Variants in NKAIN2 observed in about 807,000 individuals in gnomAD.
NKAIN2 encodes sodium/potassium transporting ATPase interacting 2.
A neutral mutation model predicts 32.6 loss-of-function variants in NKAIN2; 14 were observed. That is an observed-to-expected ratio of 0.43 (90% CI 0.28 to 0.67). NKAIN2 has a LOEUF of 0.67. Among genes scored for constraint, NKAIN2 ranks in the 30% least tolerant of loss-of-function variants. The pLI is 0.17. For missense variants in NKAIN2, 198 were observed against 258.3 expected (o/e 0.77, Z 1.60); for synonymous variants, 80 against 87.2 (o/e 0.92, Z 0.46).
At chr6:124,550,369 G>A (rs1379194091) in intron 3 of NKAIN2, among the ~76,000 whole-genome samples, 2 of 151,484 alleles carry the variant, frequency 1.3e-5, no homozygotes, top group Non-Finnish European at 2.9e-5. Flanking sequence ...TCTTCTTTTT[G>A]TTTTCTATTC....
chr6:124,118,686 T>C (rs2114984565), intron 1 of NKAIN2, among the ~76,000 whole-genome samples: 1 of 152,268 alleles, frequency 6.6e-6, no homozygotes, highest in South Asian at 2.1e-4. Context: ...AAAACAGTGA[T>C]CATCTGAAAA....
At chr6:123,901,623 C>T (rs1774592340) in intron 1 of NKAIN2, among the ~76,000 whole-genome samples, 1 of 152,152 alleles carries the variant, frequency 6.6e-6, no homozygotes, top group South Asian at 2.1e-4. Flanking sequence ...TTCCGGCTCC[C>T]TCTGCATATC....
At chr6:124,434,056 T>C (rs567358902) in intron 3 of NKAIN2, among the ~76,000 whole-genome samples, 2 of 152,250 alleles carry the variant, frequency 1.3e-5, no homozygotes, top group African/African-American at 4.8e-5. Flanking sequence ...GCAGTGAGCG[T>C]ATAGCCTTCC....
intron 3 of NKAIN2, among the ~76,000 whole-genome samples, chr6:124,545,748 G>C (rs907221578): frequency 6.6e-6 from 1 of 151,940 alleles, no homozygotes; most frequent in Admixed American, 6.6e-5. Flanking sequence ...CACCGATATA[G>C]TTGTTTATGT....
intron 1 of NKAIN2, among the ~76,000 whole-genome samples, chr6:124,082,753 G>A (rs1280627412): frequency 2.0e-5 from 3 of 151,840 alleles, no homozygotes; most frequent in African/African-American, 7.3e-5. Context: ...TAGATTTTCT[G>A]TATGATATTT....
chr6:124,584,613 A>G (rs1293800577), intron 3 of NKAIN2, among the ~76,000 whole-genome samples: 1 of 148,032 alleles, frequency 6.8e-6, no homozygotes, highest in East Asian at 2.1e-4. Context: ...AGATCGTGTC[A>G]TTGCACTCCA....
Position 124,256,197 on chromosome 6 carries a change from A to C in NKAIN2, c.55-26808A>C, listed in dbSNP as rs564347784. ...CTGAAGGTAGGGAAATGTTGTCACA[A>C]CAAAAATCCAAAAGGTCATCACCCA... On this transcript the variant is annotated intron_variant, in intron 1 of 6. Coordinates refer to ENST00000368417, the MANE Select transcript of NKAIN2 (RefSeq NM_001040214.3). 1.1e-4 allele frequency among the ~76,000 whole-genome samples: 17 copies of C among 152,332 alleles called. 1 individual carries two copies. Among genetic ancestry groups the C allele is most frequent in the South Asian group, 1.0e-3 (5 of 4,826 alleles).
At chr6:123,948,511 A>G (rs1219990829) in intron 1 of NKAIN2, among the ~76,000 whole-genome samples, 3 of 148,274 alleles carry the variant, frequency 2.0e-5, no homozygotes, top group African/African-American at 7.4e-5. Flanking sequence ...TTCCCTGATG[A>G]TTAGTGATGT....
chr6:124,365,728 A>T (rs953359931), intron 3 of NKAIN2, among the ~76,000 whole-genome samples: 6 of 152,030 alleles, frequency 3.9e-5, no homozygotes, highest in African/African-American at 1.2e-4. Context: ...AGGGTTTTCA[A>T]AGGCATATAG....
At chr6:123,921,555 G>C (rs940886508) in intron 1 of NKAIN2, among the ~76,000 whole-genome samples, 1 of 152,122 alleles carries the variant, frequency 6.6e-6, no homozygotes, top group Non-Finnish European at 1.5e-5. Flanking sequence ...TAGTCCTGAA[G>C]TTGTTTTAGC....
In NKAIN2 at chr6:124,374,690, T is replaced by G. The variant is rs112752008; in HGVS notation, c.273+19343T>G. Reference sequence around the variant, plus strand: ...AATGCAACTTCAGAGTGTCCTGTCCTACACATAATTAGAAATTAGGACAAA... The same window carrying G: ...AATGCAACTTCAGAGTGTCCTGTCCGACACATAATTAGAAATTAGGACAAA... On this transcript the variant is annotated intron_variant, in intron 3 of 6. Coordinates refer to ENST00000368417, the MANE Select transcript of NKAIN2 (RefSeq NM_001040214.3). 7.2e-3 allele frequency among the ~76,000 whole-genome samples: 1,104 copies of G among 152,288 alleles called. 16 individuals carry two copies. The highest frequency in any genetic ancestry group is 0.026 in the African/African-American group (1,060 of 41,562).
At chr6:124,765,878 G>A (rs893733380) in intron 4 of NKAIN2, among the ~76,000 whole-genome samples, 3 of 152,162 alleles carry the variant, frequency 2.0e-5, no homozygotes, top group African/African-American at 7.2e-5. Flanking sequence ...CTGAGAGGAG[G>A]TTCTTAAATT....
At chr6:124,154,044 TACA>T (rs1787862387) in intron 1 of NKAIN2, among the ~76,000 whole-genome samples, 1 of 151,776 alleles carries the variant, frequency 6.6e-6, no homozygotes, top group African/African-American at 2.4e-5. Flanking sequence ...ATAATTTTTC[TACA>T]ACAACTGAAA....
chr6:124,237,038 TA>T (rs1413939404), intron 1 of NKAIN2, among the ~76,000 whole-genome samples: 1 of 152,162 alleles, frequency 6.6e-6, no homozygotes, highest in Non-Finnish European at 1.5e-5. Context: ...AGATTCTGGA[TA>T]ATTCACATAA....
At chr6:124,525,698 G>GTGT (rs1554220879) in intron 3 of NKAIN2, among the ~76,000 whole-genome samples, 1 of 152,050 alleles carries the variant, frequency 6.6e-6, no homozygotes, top group Admixed American at 6.5e-5. Context: ...ATTCAGAATT[G>GTGT]TATTGTTGTT....
chr6:124,679,990 G>C, intron 4 of NKAIN2, among the ~76,000 whole-genome samples: 1 of 152,028 alleles, frequency 6.6e-6, no homozygotes, highest in East Asian at 1.9e-4. Flanking sequence ...TGTCTAAATA[G>C]ATAAGAAAGC....
chr6:124,768,389 C>T (rs1485937583), intron 4 of NKAIN2, among the ~76,000 whole-genome samples: 4 of 152,100 alleles, frequency 2.6e-5, no homozygotes, highest in Admixed American at 6.5e-5. Context: ...TGCTGAACAG[C>T]CATCTCAGCT....
intron 1 of NKAIN2, among the ~76,000 whole-genome samples, chr6:124,175,848 G>T (rs938239874): frequency 6.6e-6 from 1 of 152,188 alleles, no homozygotes; most frequent in Non-Finnish European, 1.5e-5. Context: ...GTTTGTGAAT[G>T]TACATCTCTC....
intron 1 of NKAIN2, among the ~76,000 whole-genome samples, chr6:123,873,009 G>A (rs564904413): frequency 1.3e-5 from 2 of 152,098 alleles, no homozygotes; most frequent in Non-Finnish European, 2.9e-5. Context: ...CACTATTTTT[G>A]TTGTTGGAGT....
Sources: allele counts gnomAD v4.1 joint callset (sites outside exome capture counted in the v4.1 genomes callset), GRCh38; gene constraint gnomAD v4.1.1; transcripts MANE v1.5; gene names NCBI Gene and HGNC (gene_info 2026-07-23, HGNC 2026-07-21).